TRABD2B: variants seen among roughly 807,000 people sequenced by gnomAD.
TRABD2B encodes TraB domain containing 2B, also known as metalloprotease TIKI2.
In TRABD2B, 14 loss-of-function variants were observed where a neutral mutation model predicts 40.1. The observed-to-expected ratio is 0.35, with a 90% confidence interval of 0.23 to 0.55. TRABD2B has a LOEUF of 0.55. TRABD2B is among the 20% of genes least tolerant of loss of function. The pLI is 0.90. For synonymous variants in TRABD2B, 263 were observed against 277.0 expected, an observed-to-expected ratio of 0.95 and a Z score of 0.50; for missense variants, 541 against 648.6, an observed-to-expected ratio of 0.83 and a Z score of 1.80.
chr1:47,827,317 C>G (rs1274560970), intron 2 of TRABD2B, among the ~76,000 whole-genome samples: 1 of 152,194 alleles, frequency 6.6e-6, no homozygotes, highest in Non-Finnish European at 1.5e-5. Context: ...CTTGATTTCT[C>G]AAATCGAGAG....
At chr1:47,865,680 A>G (rs1201428031) in intron 2 of TRABD2B, among the ~76,000 whole-genome samples, 1 of 152,112 alleles carries the variant, frequency 6.6e-6, no homozygotes, top group Non-Finnish European at 1.5e-5. Context: ...TTCTCACTTT[A>G]AAATAAAGGG....
chr1:47,783,086 G>A (rs1178289214), intron 4 of TRABD2B, among the ~76,000 whole-genome samples: 1 of 152,142 alleles, frequency 6.6e-6, no homozygotes, highest in Non-Finnish European at 1.5e-5. Flanking sequence ...AGGGAGAGAG[G>A]AGAAAGAGAG....
chr1:47,848,873 CAG>C (rs1349038672), intron 2 of TRABD2B, among the ~76,000 whole-genome samples: 1 of 152,230 alleles, frequency 6.6e-6, no homozygotes, highest in African/African-American at 2.4e-5. Context: ...TCTGTCTTCT[CAG>C]GTAGTCACAT....
intron 2 of TRABD2B, among the ~76,000 whole-genome samples, chr1:47,955,116 C>T (rs1645399761): frequency 6.6e-6 from 1 of 152,182 alleles, no homozygotes; most frequent in Non-Finnish European, 1.5e-5. Flanking sequence ...ATTCCCCATC[C>T]ACACATGTCT....
At chr1:47,767,991 G>A (rs1053532942) in intron 6 of TRABD2B, among the ~76,000 whole-genome samples, 4 of 152,190 alleles carry the variant, frequency 2.6e-5, no homozygotes, top group African/African-American at 4.8e-5. Flanking sequence ...GAGGGAACCC[G>A]GGGCCACCAA....
At chr1:47,972,507 A>G (rs543633809) in intron 2 of TRABD2B, among the ~76,000 whole-genome samples, 2 of 150,570 alleles carry the variant, frequency 1.3e-5, no homozygotes, top group South Asian at 4.3e-4. Context: ...CTTATAAAAG[A>G]GACCCCAGAG....
chr1:47,777,801 G>A (rs978020443), intron 5 of TRABD2B, among the ~76,000 whole-genome samples: 7 of 152,134 alleles, frequency 4.6e-5, no homozygotes, highest in Non-Finnish European at 7.4e-5. Flanking sequence ...CCTGGCTCTC[G>A]CTGACACCTC....
intron 2 of TRABD2B, among the ~76,000 whole-genome samples, chr1:47,953,684 T>C (rs1028405082): frequency 6.6e-6 from 1 of 152,236 alleles, no homozygotes; most frequent in Non-Finnish European, 1.5e-5. Flanking sequence ...AATCAGCACA[T>C]AAGCCAGTAT....
At chr1:47,777,173 A>G (rs989416297) in intron 5 of TRABD2B, among the ~76,000 whole-genome samples, 8 of 152,172 alleles carry the variant, frequency 5.3e-5, no homozygotes, top group African/African-American at 1.9e-4. Flanking sequence ...GAACAGACAC[A>G]ATGAGCTTCA....
chr1:47,985,574 G>C (rs1291844497), intron 2 of TRABD2B, among the ~76,000 whole-genome samples: 1 of 152,242 alleles, frequency 6.6e-6, no homozygotes, highest in African/African-American at 2.4e-5. Flanking sequence ...TAAGGCCCTA[G>C]GTTGTCCCTC....
At chr1:47,974,891 AC>A (rs753960324) in intron 2 of TRABD2B, among the ~76,000 whole-genome samples, 27 of 152,356 alleles carry the variant, frequency 1.8e-4, no homozygotes, top group Middle Eastern at 6.8e-3. Flanking sequence ...GGAGAATAGC[AC>A]TTTGCCTCTG....
intron 2 of TRABD2B, among the ~76,000 whole-genome samples, chr1:47,977,298 T>G (rs1645770206): frequency 6.6e-6 from 1 of 152,152 alleles, no homozygotes; most frequent in Non-Finnish European, 1.5e-5. Flanking sequence ...GGTCTTGAAC[T>G]CCTAGCCTCA....
intron 2 of TRABD2B, among the ~76,000 whole-genome samples, chr1:47,907,060 G>A (rs552127820): frequency 3.4e-4 from 52 of 152,334 alleles, no homozygotes; most frequent in African/African-American, 1.1e-3. Context: ...GGCCGCTGGC[G>A]TGGGGAGGGA....
intron 2 of TRABD2B, among the ~76,000 whole-genome samples, chr1:47,847,727 A>G (rs1645491403): frequency 6.6e-6 from 1 of 152,202 alleles, no homozygotes; most frequent in African/African-American, 2.4e-5. Flanking sequence ...AGCCCAGTCA[A>G]GAGGGGGAAA....
At chr1:47,777,027 G>A (rs1644457000) in intron 5 of TRABD2B, among the ~76,000 whole-genome samples, 1 of 152,192 alleles carries the variant, frequency 6.6e-6, no homozygotes, top group African/African-American at 2.4e-5. Context: ...CCCCGTGCAG[G>A]AGGCTAAGGC....
At chr1:47,910,388 ACTC>A (rs1644746399) in intron 2 of TRABD2B, among the ~76,000 whole-genome samples, 1 of 151,936 alleles carries the variant, frequency 6.6e-6, no homozygotes. Context: ...AGGATCAGGG[ACTC>A]CTCCTGTCAG....
At chr1:47,967,221 A>G (rs1396267545) in intron 2 of TRABD2B, among the ~76,000 whole-genome samples, 1 of 152,134 alleles carries the variant, frequency 6.6e-6, no homozygotes, top group Non-Finnish European at 1.5e-5. Flanking sequence ...TTCACTAAGC[A>G]GGGCCATAAA....
rs985588653 is a variant in TRABD2B, at chr1:47,794,672, T to C, written c.902A>G (p.Tyr301Cys). Residue 301 changes from tyrosine (Y) to cysteine (C), a missense_variant, in exon 4 of 7, where the codon TAC becomes TGC. Transcript: ENST00000606738. The part of the protein sequence containing the change: ...IDSYFRQELI[Y>C]KRNERMGKRV... Reference sequence around the variant, plus strand: ...CTTCCCCATGCGCTCATTCCTCTTGTAGATGAGCTCCTGGCGGAAGTAGCT... The same window carrying C: ...CTTCCCCATGCGCTCATTCCTCTTGCAGATGAGCTCCTGGCGGAAGTAGCT... The C allele has an allele frequency of 3.3e-6, 5 of 1,536,522 alleles. No homozygotes were observed. The African/African-American group carries it at 4.1e-5, about 13-fold the overall frequency.
intron 2 of TRABD2B, among the ~76,000 whole-genome samples, chr1:47,936,501 G>C (rs536282004): frequency 1.3e-5 from 2 of 152,334 alleles, no homozygotes; most frequent in East Asian, 3.9e-4. Flanking sequence ...TGGAAGAGCT[G>C]AGTCTTGAGG....
Sources: gnomAD v4.1 joint callset for allele counts (sites outside exome capture counted in the v4.1 genomes callset) on GRCh38, gnomAD v4.1.1 for gene constraint, MANE v1.5 for transcripts, NCBI Gene and HGNC (gene_info 2026-07-23, HGNC 2026-07-21) for gene names.